The following CALCRL variants were observed in gnomAD, a reference collection of about 807,000 sequenced individuals.
CALCRL encodes calcitonin gene-related peptide type 1 receptor.
CALCRL carries 27 observed loss-of-function variants against 60.4 expected under a neutral mutation model. The ratio of observed to expected loss-of-function variants is 0.45; its 90% CI spans 0.33 to 0.62. The LOEUF is 0.62. Ranked by LOEUF, CALCRL falls within the 20% of genes least tolerant of loss-of-function variation. The probability of loss-of-function intolerance (pLI) is 0.03; values close to 1 mark genes in which losing one functional copy is unlikely to be tolerated. For missense variants in CALCRL, 424 were observed against 540.7 expected (o/e 0.78, Z 2.14); for synonymous variants, 190 against 182.6 (o/e 1.04, Z -0.33).
intron 1 of CALCRL, among the ~76,000 whole-genome samples, chr2:187,399,125 G>A (rs1187361874): frequency 6.6e-6 from 1 of 151,586 alleles, no homozygotes; most frequent in African/African-American, 2.4e-5. Context: ...CCTGTAAAAT[G>A]AGATGGCTTC....
intron 1 of CALCRL, among the ~76,000 whole-genome samples, chr2:187,398,001 T>C (rs1323655972): frequency 1.3e-5 from 2 of 151,706 alleles, no homozygotes; most frequent in Non-Finnish European, 3.0e-5. Flanking sequence ...ATGTACTTAC[T>C]CACGGGACTG....
At chr2:187,442,722 G>T (rs543631392) in intron 1 of CALCRL, among the ~76,000 whole-genome samples, 1 of 151,918 alleles carries the variant, frequency 6.6e-6, no homozygotes, top group South Asian at 2.1e-4. Context: ...AAAATTTTCC[G>T]ACAGATGTCT....
intron 1 of CALCRL, among the ~76,000 whole-genome samples, chr2:187,410,327 A>G (rs1477615361): frequency 1.3e-5 from 2 of 152,168 alleles, no homozygotes; most frequent in African/African-American, 4.8e-5. Flanking sequence ...ATTTTTTACC[A>G]AATTGGAGGA....
intron 1 of CALCRL, among the ~76,000 whole-genome samples, chr2:187,404,487 T>G (rs528270067): frequency 6.6e-6 from 1 of 151,644 alleles, no homozygotes; most frequent in African/African-American, 2.4e-5. Context: ...CTAGGTATCT[T>G]ATAAACACTT....
intron 1 of CALCRL, among the ~76,000 whole-genome samples, chr2:187,432,132 TTG>T (rs889047638): frequency 2.0e-4 from 30 of 152,210 alleles, no homozygotes; most frequent in Admixed American, 1.2e-3. Flanking sequence ...AGGCCAAATC[TTG>T]TCAGTAATGA....
chr2:187,369,482 A>C (rs1295285382), intron 8 of CALCRL, among the ~76,000 whole-genome samples: 1 of 152,114 alleles, frequency 6.6e-6, no homozygotes, highest in Non-Finnish European at 1.5e-5. Context: ...AATAAAATGG[A>C]GGTAAGTTTC....
chr2:187,379,158 T>G (rs894150249), intron 7 of CALCRL, 127 bp from the exon 8 acceptor site: 2 of 534,994 alleles, frequency 3.7e-6, no homozygotes, highest in Admixed American at 3.0e-5. Context: ...TCTGATAGCC[T>G]TACAATGATG....
chr2:187,342,116 A>G lies in CALCRL; in HGVS notation c.*4068T>C, dbSNP rs1686115817. ...CAAAACATGAATGAATTTTAAAAAC[A>G]TAAGTGAAATCATTTAGTCACAAAA... is the stretch of plus-strand genomic sequence containing the variant. On this transcript the variant is annotated 3_prime_UTR_variant, in exon 15 of 15. Coordinates refer to ENST00000392370, the MANE Select transcript of CALCRL (RefSeq NM_005795.6). 6.6e-6 allele frequency among the ~76,000 whole-genome samples: 1 copy of G among 151,896 alleles called. No homozygotes were observed. The highest frequency in any genetic ancestry group is 2.4e-5 in the African/African-American group (1 of 41,446).
In CALCRL at chr2:187,387,834, A is replaced by G. The variant is rs150697469; in HGVS notation, c.-292-78T>C. ...TTTCCATGATAAATTAAAAACTTCA[A>G]AGAAAATACTGCTACTAAGATCATA... On this transcript the variant is annotated intron_variant, in intron 1 of 14. Coordinates refer to ENST00000392370, the MANE Select transcript of CALCRL (RefSeq NM_005795.6). 220 of 378,670 alleles carry G rather than the reference A, an allele frequency of 5.8e-4. No homozygotes were observed. In the East Asian group the frequency reaches 7.7e-3, roughly 13 times the overall value. The allele number at this position is 378,670 out of a possible 1,614,324, so 23.5% of individuals were successfully genotyped here. A position where few individuals can be genotyped will look rare whatever the true frequency, so the allele number is the denominator to read the frequency against.
chr2:187,432,486 A>G (rs1690446371), intron 1 of CALCRL, among the ~76,000 whole-genome samples: 1 of 152,126 alleles, frequency 6.6e-6, no homozygotes, highest in South Asian at 2.1e-4. Context: ...GTCAACAGAG[A>G]TGTTGACCCT....
intron 1 of CALCRL, among the ~76,000 whole-genome samples, chr2:187,392,753 A>T (rs1229485058): frequency 6.6e-6 from 1 of 152,034 alleles, no homozygotes; most frequent in Non-Finnish European, 1.5e-5. Flanking sequence ...GCCCCAGCTG[A>T]AGTGCAGTGG....
chr2:187,351,800 G>A, intron 14 of CALCRL, 120 bp downstream of exon 14: 1 of 663,490 alleles, frequency 1.5e-6, no homozygotes, highest in Non-Finnish European at 2.6e-6. Context: ...TTCCCTGATG[G>A]AAACAGAATT....
intron 1 of CALCRL, among the ~76,000 whole-genome samples, chr2:187,404,717 G>A (rs1475393483): frequency 6.6e-6 from 1 of 151,632 alleles, no homozygotes; most frequent in African/African-American, 2.4e-5. Context: ...AAAAAAAGAC[G>A]ACGAAAGTAA....
intron 14 of CALCRL, 124 bp downstream of exon 14, chr2:187,351,796 G>A (rs988283147): frequency 6.1e-6 from 4 of 651,480 alleles, no homozygotes; most frequent in East Asian, 2.8e-5. Flanking sequence ...TTCTTTCCCT[G>A]ATGGAAACAG....
intron 1 of CALCRL, among the ~76,000 whole-genome samples, chr2:187,427,413 G>T (rs1308045970): frequency 6.6e-6 from 1 of 152,010 alleles, no homozygotes; most frequent in African/African-American, 2.4e-5. Context: ...GAACCATTAT[G>T]GTGGGCAATG....
chr2:187,379,760 A>G (rs1185477908), intron 7 of CALCRL, among the ~76,000 whole-genome samples: 1 of 152,188 alleles, frequency 6.6e-6, no homozygotes, highest in Non-Finnish European at 1.5e-5. Flanking sequence ...GAAAATAATG[A>G]GGATGGAATC....
intron 1 of CALCRL, among the ~76,000 whole-genome samples, chr2:187,430,815 A>G (rs1690371754): frequency 6.6e-6 from 1 of 152,174 alleles, no homozygotes; most frequent in Non-Finnish European, 1.5e-5. Context: ...AAGGAACTCT[A>G]TAGAGAAAAG....
In CALCRL at chr2:187,383,484, C is replaced by G. The variant is rs1688067942; in HGVS notation, c.52-179G>C. 2.0e-5 allele frequency among the ~76,000 whole-genome samples: 3 copies of G among 152,098 alleles called. No individual in the cohort carries two copies. In the South Asian group the frequency reaches 6.2e-4, roughly 32 times the overall value. ...TTTGCTATTTCCATGGTATAAATAT[C>G]CCCACCATGTCCAATTTCAAAACAC... On this transcript the variant is annotated intron_variant, in intron 4 of 14. Coordinates refer to ENST00000392370, the MANE Select transcript of CALCRL (RefSeq NM_005795.6).
At position 187,342,796 on chromosome 2, in the gene CALCRL, A is replaced by G. The variant is rs146171294; in HGVS notation, c.*3388T>C. On this transcript the variant is annotated 3_prime_UTR_variant, in exon 15 of 15. Coordinates refer to ENST00000392370, the MANE Select transcript of CALCRL (RefSeq NM_005795.6). ...ATTTTTAATATTCTCATATAGTGTGATATTTTGAATTCTCCTTTGAATTTT... is the reference window on the plus strand; with the variant it reads ...ATTTTTAATATTCTCATATAGTGTGGTATTTTGAATTCTCCTTTGAATTTT... Among the ~76,000 whole-genome samples, 4 of 151,710 alleles carry G rather than the reference A, an allele frequency of 2.6e-5. No individual in the cohort carries two copies. The highest frequency in any genetic ancestry group is 5.9e-5 in the Non-Finnish European group (4 of 67,588).
Sources: gnomAD v4.1 joint callset for allele counts (sites outside exome capture counted in the v4.1 genomes callset) on GRCh38, gnomAD v4.1.1 for gene constraint, MANE v1.5 for transcripts, NCBI Gene and HGNC (gene_info 2026-07-23, HGNC 2026-07-21) for gene names.